Variants in TSG101 observed in about 807,000 individuals in gnomAD.
The protein encoded by TSG101 is tumor susceptibility gene 101 protein.
Under a neutral mutation model 48.5 loss-of-function variants are expected in TSG101, and 19 were observed. The ratio of observed to expected loss-of-function variants is 0.39; its 90% CI spans 0.27 to 0.58. TSG101 has a LOEUF of 0.58. Ranked by LOEUF, TSG101 falls within the 20% of genes least tolerant of loss-of-function variation. TSG101 has a pLI of 0.55. For missense variants in TSG101, 365 were observed against 484.4 expected (o/e 0.75, Z 2.31); for synonymous variants, 174 against 169.4 (o/e 1.03, Z -0.21).
chr11:18,502,075 T>C (rs982009507), intron 7 of TSG101, among the ~76,000 whole-genome samples: 3 of 152,242 alleles, frequency 2.0e-5, no homozygotes, highest in Non-Finnish European at 2.9e-5. Context: ...GTAACGCTAA[T>C]AAGCAAACAC....
Position 18,514,773 on chromosome 11 carries a change from A to G in TSG101, c.262T>C (p.Phe88Leu). 1 of 1,599,352 alleles carries G rather than the reference A, an allele frequency of 6.3e-7. No individual in the cohort carries two copies. The highest frequency in any genetic ancestry group is 2.3e-5 in the East Asian group (1 of 43,852). ...GTCATTGAACTAGTAGGCTTAACAA[A>G]ACAGATAGGGGGATTATATGGGTAT... is the stretch of plus-strand genomic sequence containing the variant. ...DTYPYNPPIC[F>L]VKPTSSMTIK... The change falls in exon 4 of 10, where the codon TTT becomes CTT. Residue 88 changes from phenylalanine (F) to leucine (L), a missense_variant. By Grantham distance (22) the Phe-to-Leu change is conservative. Coordinates refer to ENST00000251968, the MANE Select transcript of TSG101 (RefSeq NM_006292.4).
intron 2 of TSG101, 107 bp from the exon 3 acceptor site, chr11:18,516,271 C>A (rs1330573280): frequency 2.7e-5 from 25 of 913,224 alleles, no homozygotes; most frequent in African/African-American, 6.6e-5. Flanking sequence ...TTGAAAGGGG[C>A]TGACCTGTCA....
At chr11:18,525,452 A>G (rs962151901) in intron 1 of TSG101, among the ~76,000 whole-genome samples, 5 of 151,078 alleles carry the variant, frequency 3.3e-5, no homozygotes, top group Non-Finnish European at 7.4e-5. Context: ...AGGCTAAGGC[A>G]GGAGAATCGC....
At chr11:18,498,297 T>C (rs1379069168) in intron 7 of TSG101, among the ~76,000 whole-genome samples, 1 of 152,194 alleles carries the variant, frequency 6.6e-6, no homozygotes, top group Non-Finnish European at 1.5e-5. Flanking sequence ...CTTGAAGGTT[T>C]TGAGCAGAGG....
chr11:18,491,555 G>A (rs1381852077), intron 7 of TSG101, among the ~76,000 whole-genome samples: 1 of 152,170 alleles, frequency 6.6e-6, no homozygotes, highest in Non-Finnish European at 1.5e-5. Flanking sequence ...AACTTTCTGG[G>A]TTGCCCACGT....
intron 6 of TSG101, among the ~76,000 whole-genome samples, chr11:18,505,004 T>G (rs890173780): frequency 3.9e-5 from 6 of 152,194 alleles, no homozygotes; most frequent in Admixed American, 2.6e-4. Flanking sequence ...GACAGAATGC[T>G]TATTACCTTC....
chr11:18,493,798 T>C (rs577058283), intron 7 of TSG101, among the ~76,000 whole-genome samples: 8 of 152,244 alleles, frequency 5.3e-5, no homozygotes, highest in Non-Finnish European at 7.3e-5. Flanking sequence ...TTCTGATCTG[T>C]GCTATTAAGT....
intron 7 of TSG101, among the ~76,000 whole-genome samples, chr11:18,494,735 A>G (rs564954600): frequency 3.3e-5 from 5 of 152,316 alleles, no homozygotes; most frequent in South Asian, 2.1e-4. Context: ...AAACCTGCAC[A>G]CAAGCAAGCG....
intron 1 of TSG101, among the ~76,000 whole-genome samples, chr11:18,522,462 T>C (rs969219765): frequency 3.2e-4 from 48 of 152,202 alleles, no homozygotes; most frequent in African/African-American, 1.1e-3. Context: ...TGTCAAAATA[T>C]CCTGTTAGCT....
chr11:18,484,127 G>C (rs1420981789), intron 7 of TSG101, 55 bp from the exon 8 acceptor site: 2 of 1,584,682 alleles, frequency 1.3e-6, no homozygotes, highest in Non-Finnish European at 1.7e-6. Context: ...CCTTCTATTT[G>C]TCTCACAGGA....
intron 7 of TSG101, among the ~76,000 whole-genome samples, chr11:18,501,073 G>T (rs1308966157): frequency 6.6e-6 from 1 of 152,160 alleles, no homozygotes. Context: ...TTCCCAAAGT[G>T]CTGGGATTAC....
chr11:18,525,014 GAT>G (rs1163797655), intron 1 of TSG101, among the ~76,000 whole-genome samples: 1 of 150,526 alleles, frequency 6.6e-6, no homozygotes, highest in Non-Finnish European at 1.5e-5. Flanking sequence ...AGGTTCAAGC[GAT>G]TCTCCCATCT....
intron 7 of TSG101, among the ~76,000 whole-genome samples, chr11:18,489,113 CAA>C (rs201368614): frequency 8.0e-6 from 1 of 125,282 alleles, no homozygotes. Flanking sequence ...GACTCCATCT[CAA>C]AAAAAAAAAA....
intron 2 of TSG101, among the ~76,000 whole-genome samples, chr11:18,516,753 C>G (rs1367548130): frequency 6.6e-6 from 1 of 151,764 alleles, no homozygotes; most frequent in African/African-American, 2.4e-5. Flanking sequence ...ACTAGCCTGA[C>G]CAACATGGAG....
At chr11:18,493,546 G>A (rs1209078649) in intron 7 of TSG101, among the ~76,000 whole-genome samples, 1 of 152,036 alleles carries the variant, frequency 6.6e-6, no homozygotes, top group Non-Finnish European at 1.5e-5. Context: ...TAAACTACCT[G>A]CCCAGCATTT....
intron 7 of TSG101, among the ~76,000 whole-genome samples, chr11:18,500,987 T>C (rs1849877611): frequency 6.6e-6 from 1 of 152,058 alleles, no homozygotes. Flanking sequence ...TTTTAGTTTT[T>C]AGGAGAGACG....
At chr11:18,520,891 C>G (rs1022706773) in intron 1 of TSG101, among the ~76,000 whole-genome samples, 1 of 151,930 alleles carries the variant, frequency 6.6e-6, no homozygotes, top group South Asian at 2.1e-4. Context: ...ATTATCTGGG[C>G]GTGGTGGTCC....
intron 6 of TSG101, among the ~76,000 whole-genome samples, chr11:18,506,497 C>A (rs1849975427): frequency 6.6e-6 from 1 of 151,836 alleles, no homozygotes; most frequent in Non-Finnish European, 1.5e-5. Context: ...TTGAGACCAG[C>A]CTGGCCAACA....
At chr11:18,526,550 C>G (rs1304782522) in intron 1 of TSG101, among the ~76,000 whole-genome samples, 1 of 152,268 alleles carries the variant, frequency 6.6e-6, no homozygotes, top group Non-Finnish European at 1.5e-5. Context: ...CTCCGCTCCA[C>G]GCCTTTGTTG....
Sources: allele counts gnomAD v4.1 joint callset (sites outside exome capture counted in the v4.1 genomes callset), GRCh38; gene constraint gnomAD v4.1.1; transcripts MANE v1.5; gene names NCBI Gene and HGNC (gene_info 2026-07-23, HGNC 2026-07-21).